The following SLC24A3 variants were observed in gnomAD, a reference collection of about 807,000 sequenced individuals.
SLC24A3 encodes the protein solute carrier family 24 member 3, also known as sodium/potassium/calcium exchanger 3.
SLC24A3 carries 28 observed loss-of-function variants against 75.8 expected under a neutral mutation model. The observed-to-expected ratio is 0.37, with a 90% CI of 0.27 to 0.51. The LOEUF (loss-of-function observed/expected upper bound fraction) is 0.51, where lower values mean the gene tolerates loss of function less well. Ranked by LOEUF, SLC24A3 falls within the 20% of genes least tolerant of loss-of-function variation. The pLI is 0.94. For synonymous variants in SLC24A3, 372 were observed against 334.1 expected (o/e 1.11, Z -1.24); for missense variants, 663 against 847.8 (o/e 0.78, Z 2.71).
At chr20:19,678,983 A>G (rs1309543270) in intron 9 of SLC24A3, among the ~76,000 whole-genome samples, 3 of 136,712 alleles carry the variant, frequency 2.2e-5, no homozygotes, top group African/African-American at 5.6e-5. Flanking sequence ...CCTAGATGGG[A>G]TGGCGGCCGG....
At chr20:19,716,854 A>T (rs952390937) in intron 15 of SLC24A3, among the ~76,000 whole-genome samples, 2 of 152,120 alleles carry the variant, frequency 1.3e-5, no homozygotes, top group African/African-American at 4.8e-5. Flanking sequence ...AGCCTGGGTA[A>T]CAGAGTGAAA....
At chr20:19,416,872 T>A (rs1986836344) in intron 2 of SLC24A3, among the ~76,000 whole-genome samples, 1 of 152,146 alleles carries the variant, frequency 6.6e-6, no homozygotes, top group Non-Finnish European at 1.5e-5. Flanking sequence ...GACATGCAGA[T>A]ACAATAAAAT....
chr20:19,522,212 C>T (rs1023585148), intron 3 of SLC24A3, among the ~76,000 whole-genome samples: 3 of 152,174 alleles, frequency 2.0e-5, no homozygotes, highest in African/African-American at 7.2e-5. Flanking sequence ...TCAGTATCTT[C>T]CCTTCCTCGT....
chr20:19,583,523 C>A (rs1429776235), intron 4 of SLC24A3, among the ~76,000 whole-genome samples: 1 of 151,966 alleles, frequency 6.6e-6, no homozygotes. Context: ...TGAGATATTG[C>A]CAGGGCTGAA....
chr20:19,515,538 G>A lies in SLC24A3; in HGVS notation c.322G>A (p.Gly108Ser). The A allele has an allele frequency of 1.2e-6, 2 of 1,614,176 alleles. No individual in the cohort carries two copies. The highest frequency in any genetic ancestry group is 1.7e-6 in the Non-Finnish European group (2 of 1,180,022). ...CTTCACAAACGAGGATAGAAGACAAGGTGCGGTGGTCCTCCATGTGCTCTG... is the reference window on the plus strand; with the variant it reads ...CTTCACAAACGAGGATAGAAGACAAAGTGCGGTGGTCCTCCATGTGCTCTG... ...DIFTNEDRRQ[G>S]AVVLHVLCAI... is the part of the protein sequence containing the mutation. The change falls in exon 3 of 17, where the codon GGT (glycine) becomes AGT (serine). Residue 108 changes from glycine to serine, a missense_variant. Gly to Ser is a moderately conservative substitution (Grantham distance 56). Coordinates refer to ENST00000328041, the MANE Select transcript of SLC24A3 (RefSeq NM_020689.4).
intron 2 of SLC24A3, among the ~76,000 whole-genome samples, chr20:19,375,892 A>T (rs183195857): frequency 3.3e-5 from 5 of 152,334 alleles, no homozygotes; most frequent in Non-Finnish European, 4.4e-5. Flanking sequence ...GTGAACTAGA[A>T]TTTGCCATGT....
At chr20:19,322,735 G>T (rs1984742402) in intron 2 of SLC24A3, among the ~76,000 whole-genome samples, 1 of 152,122 alleles carries the variant, frequency 6.6e-6, no homozygotes, top group Non-Finnish European at 1.5e-5. Flanking sequence ...TTGCACACCA[G>T]ACCTTGGCTC....
At chr20:19,244,029 TC>T (rs1982410981) in intron 1 of SLC24A3, 1 of 152,128 alleles carries the variant, frequency 6.6e-6, no homozygotes, top group South Asian at 2.1e-4. Context: ...GAAATATAGC[TC>T]CCTTTTAAAC....
At chr20:19,352,388 C>T (rs940970247) in intron 2 of SLC24A3, among the ~76,000 whole-genome samples, 5 of 152,142 alleles carry the variant, frequency 3.3e-5, no homozygotes, top group African/African-American at 1.2e-4. Context: ...GGGCCAGCAC[C>T]AACGGCAGCA....
intron 2 of SLC24A3, among the ~76,000 whole-genome samples, chr20:19,464,956 T>C (rs1037254727): frequency 6.6e-6 from 1 of 152,238 alleles, no homozygotes; most frequent in African/African-American, 2.4e-5. Context: ...TCTGGAGTGA[T>C]AAAAGCACTC....
chr20:19,402,221 T>G (rs1317849924), intron 2 of SLC24A3, among the ~76,000 whole-genome samples: 1 of 152,138 alleles, frequency 6.6e-6, no homozygotes, highest in East Asian at 1.9e-4. Context: ...CACAAAATAA[T>G]CAAATCCTTG....
At chr20:19,296,045 G>T (rs984286532) in intron 2 of SLC24A3, among the ~76,000 whole-genome samples, 1 of 151,994 alleles carries the variant, frequency 6.6e-6, no homozygotes, top group African/African-American at 2.4e-5. Context: ...ACTTGTTATT[G>T]GTCTATTCAG....
In SLC24A3 at chr20:19,437,981, A is replaced by C. The variant is rs576420142; in HGVS notation, c.272-77507A>C. 2.0e-5 allele frequency among the ~76,000 whole-genome samples: 3 copies of C among 152,316 alleles called. No homozygotes were observed. The East Asian group carries it at 5.8e-4, about 29-fold the overall frequency. On this transcript the variant is annotated intron_variant, in intron 2 of 16. Transcript: ENST00000328041. ...GCATTTTCGGAACAGAACTCTGCAC[A>C]TGAGTCTAACTGCCAAGTGAGCTGA...
At chr20:19,592,852 G>A (rs2031398511) in intron 6 of SLC24A3, among the ~76,000 whole-genome samples, 1 of 140,870 alleles carries the variant, frequency 7.1e-6, no homozygotes, top group African/African-American at 2.6e-5. Flanking sequence ...CTGGAGTGCA[G>A]TGGCACGATC....
At chr20:19,490,929 CA>C (rs1453148147) in intron 2 of SLC24A3, among the ~76,000 whole-genome samples, 18 of 152,200 alleles carry the variant, frequency 1.2e-4, no homozygotes, top group Admixed American at 1.2e-3. Context: ...CAATCTGTGC[CA>C]CTGCCACTTT....
At chr20:19,550,572 GAAGGTGTGCATGTGTAC>G (rs1472325080) in intron 3 of SLC24A3, among the ~76,000 whole-genome samples, 3 of 152,228 alleles carry the variant, frequency 2.0e-5, no homozygotes. Context: ...TTGTGTGTGT[GAAGGTGTGCATGTGTAC>G]AAGGAAAATG....
At chr20:19,313,027 G>GTTT (rs1984497434) in intron 2 of SLC24A3, among the ~76,000 whole-genome samples, 6 of 99,532 alleles carry the variant, frequency 6.0e-5, no homozygotes, top group Non-Finnish European at 1.0e-4. Context: ...CTTTTCTCTT[G>GTTT]CTTTTTTTTT....
intron 2 of SLC24A3, among the ~76,000 whole-genome samples, chr20:19,439,160 T>C (rs1481235017): frequency 6.6e-6 from 1 of 152,224 alleles, no homozygotes; most frequent in East Asian, 1.9e-4. Context: ...ACCAGCCTGC[T>C]GCCCCCTTAG....
intron 4 of SLC24A3, among the ~76,000 whole-genome samples, chr20:19,582,890 A>C (rs2031238745): frequency 6.6e-6 from 1 of 152,150 alleles, no homozygotes; most frequent in Non-Finnish European, 1.5e-5. Context: ...TTGTCTAGGA[A>C]AGGTGAAGTC....
Sources: gnomAD v4.1 joint callset for allele counts (sites outside exome capture counted in the v4.1 genomes callset) on GRCh38, gnomAD v4.1.1 for gene constraint, MANE v1.5 for transcripts, NCBI Gene and HGNC (gene_info 2026-07-23, HGNC 2026-07-21) for gene names.